MS4A1: variants seen among roughly 807,000 people sequenced by gnomAD.
The protein encoded by MS4A1 is membrane spanning 4-domains A1, also known as B-lymphocyte antigen CD20.
A neutral mutation model predicts 26.5 loss-of-function variants in MS4A1; 16 were observed. The observed-to-expected ratio is 0.60, with a 90% CI of 0.41 to 0.92. The LOEUF (loss-of-function observed/expected upper bound fraction) is 0.92, where lower values mean the gene tolerates loss of function less well. MS4A1 is among the 40% of genes least tolerant of loss of function. The pLI, the probability that MS4A1 is intolerant of heterozygous loss-of-function variation, is 0.00. For missense variants in MS4A1, 350 were observed against 353.0 expected (o/e 0.99, Z 0.07); for synonymous variants, 128 against 117.6 (o/e 1.09, Z -0.57).
chr11:60,466,245 AC>A, intron 6 of MS4A1, 88 bp downstream of exon 6: 1 of 1,076,084 alleles, frequency 9.3e-7, no homozygotes, highest in Non-Finnish European at 1.4e-6. Flanking sequence ...CTGGATCCAG[AC>A]CACCTGAGTT....
At chr11:60,459,881 C>T (rs1166656244) in intron 1 of MS4A1, among the ~76,000 whole-genome samples, 3 of 152,146 alleles carry the variant, frequency 2.0e-5, no homozygotes, top group Non-Finnish European at 4.4e-5. Flanking sequence ...AGGCTGAATT[C>T]CTATTTCTCA....
chr11:60,462,223 C>T lies in MS4A1; in HGVS notation c.-152C>T, dbSNP rs201743339. The T allele has an allele frequency of 3.9e-5, 32 of 830,090 alleles. No homozygotes were observed. Among genetic ancestry groups the T allele is most frequent in the Admixed American group, 6.0e-5 (3 of 50,132 alleles). 51.4% of individuals were successfully genotyped at this position (830,090 alleles called of 1,614,324 possible). A position where few individuals can be genotyped will look rare whatever the true frequency, so the allele number is the denominator to read the frequency against. On this transcript the variant is annotated 5_prime_UTR_variant, in exon 3 of 8. Transcript: ENST00000345732. ...GCCTTGCCTCAGATCCAAGGTCACT[C>T]GGAAGAGGCCATGTCTACCCTCAAT...
intron 1 of MS4A1, among the ~76,000 whole-genome samples, chr11:60,456,194 TG>T (rs11322618): frequency 0.011 from 1,671 of 152,248 alleles, 78 homozygotes; most frequent in Admixed American, 0.087. Flanking sequence ...AGTAGTAGAT[TG>T]CAGCATATAT....
At chr11:60,460,783 C>T (rs1000446602) in intron 1 of MS4A1, among the ~76,000 whole-genome samples, 4 of 149,208 alleles carry the variant, frequency 2.7e-5, no homozygotes, top group Non-Finnish European at 5.9e-5. Flanking sequence ...TATTAATTGC[C>T]TTCTCACTTC....
At chr11:60,459,697 A>G (rs1305712905) in intron 1 of MS4A1, among the ~76,000 whole-genome samples, 1 of 152,216 alleles carries the variant, frequency 6.6e-6, no homozygotes. Flanking sequence ...GCAGATCCCC[A>G]GGACCATGTG....
At chr11:60,458,883 G>A (rs2086225672) in intron 1 of MS4A1, among the ~76,000 whole-genome samples, 1 of 152,092 alleles carries the variant, frequency 6.6e-6, no homozygotes, top group Admixed American at 6.5e-5. Context: ...GCACTCATGT[G>A]TTTCTTTATA....
intron 1 of MS4A1, among the ~76,000 whole-genome samples, chr11:60,459,459 A>C (rs1473209874): frequency 1.3e-5 from 2 of 152,342 alleles, no homozygotes; most frequent in African/African-American, 4.8e-5. Context: ...AGCCATGGTG[A>C]GTGCCTTCTA....
chr11:60,464,797 C>T (rs543927450), intron 5 of MS4A1, among the ~76,000 whole-genome samples: 25 of 152,268 alleles, frequency 1.6e-4, no homozygotes, highest in Admixed American at 2.6e-4. Flanking sequence ...TACCATGTGA[C>T]GTCCAATGGA....
At chr11:60,467,277 C>CTTTT (rs201750543) in intron 7 of MS4A1, among the ~76,000 whole-genome samples, 21 of 134,542 alleles carry the variant, frequency 1.6e-4, no homozygotes, top group African/African-American at 5.0e-4. Flanking sequence ...TTCTGTGCGT[C>CTTTT]TTTTTTTTTT....
chr11:60,468,591 G>C lies in MS4A1; in HGVS notation c.*123G>C. 1 of 862,224 alleles carries C rather than the reference G, an allele frequency of 1.2e-6. No individual in the cohort carries two copies. Among genetic ancestry groups the C allele is most frequent in the East Asian group, 2.6e-5 (1 of 37,856 alleles). 53.4% of individuals were successfully genotyped at this position (862,224 alleles called of 1,614,324 possible). ...CGCACCACATCTCTATCTGGCCTTT[G>C]CATGGAGTGACCATAGCTCCTTCTC... is the stretch of plus-strand genomic sequence containing the variant. On this transcript the variant is annotated 3_prime_UTR_variant, in exon 8 of 8. Transcript: ENST00000345732.
chr11:60,461,721 C>T (rs2155713), intron 2 of MS4A1, among the ~76,000 whole-genome samples: 103,224 of 151,318 alleles, frequency 0.68, 36,119 homozygotes, highest in African/African-American at 0.83. Context: ...GGTTTTGCCA[C>T]GTTAGCCAGC....
chr11:60,465,661 G>T, intron 5 of MS4A1: 1 of 463,002 alleles, frequency 2.2e-6, no homozygotes, highest in Non-Finnish European at 3.9e-6. Flanking sequence ...ACAAGATATA[G>T]AATCAAGGGT....
Position 60,466,995 on chromosome 11 carries a change from C to A in MS4A1, c.610C>A (p.Gln204Lys). The A allele has an allele frequency of 6.2e-7, 1 of 1,613,996 alleles. No individual in the cohort carries two copies. Among genetic ancestry groups the A allele is most frequent in the Non-Finnish European group, 8.5e-7 (1 of 1,180,006 alleles). ...LSVMLIFAFFQELVIAGIVEN... is the reference protein window; with the variant it reads ...LSVMLIFAFFKELVIAGIVEN... ...AGTGATGCTGATCTTTGCCTTCTTCCAGGAACTTGTAATAGCTGGCATCGT... is the reference window on the plus strand; with the variant it reads ...AGTGATGCTGATCTTTGCCTTCTTCAAGGAACTTGTAATAGCTGGCATCGT... The change falls in exon 7 of 8, where the codon CAG becomes AAG. Residue 204 changes from glutamine (Q) to lysine (K), a missense_variant. By Grantham distance (53) the Gln-to-Lys change is moderately conservative (BLOSUM62 1). Coordinates refer to ENST00000345732, the MANE Select transcript of MS4A1 (RefSeq NM_152866.3).
At position 60,468,384 on chromosome 11, in the gene MS4A1, G is replaced by A; in HGVS notation, c.810G>A (p.Glu270=). The change falls in exon 8 of 8, where the codon GAG becomes GAA. Residue 270 remains glutamate, a synonymous_variant. Transcript: ENST00000345732. ...EDIEIIPIQE[E]EEEETETNFP... is the part of the protein sequence containing the mutation. ...TTGAAATTATTCCAATCCAAGAAGAGGAAGAAGAAGAAACAGAGACGAACT... is the reference window on the plus strand; with the variant it reads ...TTGAAATTATTCCAATCCAAGAAGAAGAAGAAGAAGAAACAGAGACGAACT... The A allele has an allele frequency of 6.2e-7, 1 of 1,614,102 alleles. No homozygotes were observed. Among genetic ancestry groups the A allele is most frequent in the Non-Finnish European group, 8.5e-7 (1 of 1,179,996 alleles).
Position 60,468,790 on chromosome 11 carries a change from T to C in MS4A1, c.*322T>C. On this transcript the variant is annotated 3_prime_UTR_variant, in exon 8 of 8. Coordinates refer to ENST00000345732, the MANE Select transcript of MS4A1 (RefSeq NM_152866.3). ...AGTATAGTATTTTTTTTTGTCATTT[T>C]CTCCATCAACAACCAGGGAGACTGC... The C allele has an allele frequency of 3.4e-6, 1 of 292,988 alleles. No individual in the cohort carries two copies. Among genetic ancestry groups the C allele is most frequent in the Non-Finnish European group, 6.4e-6 (1 of 156,802 alleles). The allele number at this position is 292,988 out of a possible 1,614,324, so 18.1% of individuals were successfully genotyped here. A position where few individuals can be genotyped will look rare whatever the true frequency, so the allele number is the denominator to read the frequency against.
intron 7 of MS4A1, among the ~76,000 whole-genome samples, chr11:60,467,294 T>C (rs2086300987): frequency 6.6e-6 from 1 of 151,688 alleles, no homozygotes; most frequent in South Asian, 2.1e-4. Flanking sequence ...TTTTTTTTTT[T>C]TGAGACAGAG....
At chr11:60,460,223 G>A (rs2086237206) in intron 1 of MS4A1, among the ~76,000 whole-genome samples, 1 of 152,102 alleles carries the variant, frequency 6.6e-6, no homozygotes, top group African/African-American at 2.4e-5. Context: ...TGCAGCCTGG[G>A]CGACAGAGCG....
chr11:60,466,162 G>T lies in MS4A1; in HGVS notation c.573+5G>T. ...AGCATACAATCTCTGTTCTTGGTAA[G>T]TGTTCTTGGTAAGTGTGAGATTGGA... On this transcript the variant is annotated splice_donor_5th_base_variant and intron_variant, in intron 6 of 7. Coordinates refer to ENST00000345732, the MANE Select transcript of MS4A1 (RefSeq NM_152866.3). The T allele has an allele frequency of 6.3e-7, 1 of 1,593,742 alleles. No individual in the cohort carries two copies. The highest frequency in any genetic ancestry group is 2.2e-5 in the East Asian group (1 of 44,790).
In MS4A1 at chr11:60,461,410, T is replaced by TTAAAGAACTTG. The variant is rs559395579; in HGVS notation, c.-191+251_-191+261dup. ...CAGTTGAACCTGAGGCCCAGAGAAT[T>TTAAAGAACTTG]TAAAGAACTTGCCCAACATCTCAGA... On this transcript the variant is annotated intron_variant, in intron 2 of 7. Transcript: ENST00000345732. Among the ~76,000 whole-genome samples, 848 of 151,626 alleles carry TTAAAGAACTTG rather than the reference T, an allele frequency of 5.6e-3. 9 individuals are homozygous for TTAAAGAACTTG. The highest frequency in any genetic ancestry group is 0.02 in the African/African-American group (815 of 41,486).
Sources: gnomAD v4.1 joint callset for allele counts (sites outside exome capture counted in the v4.1 genomes callset) on GRCh38, gnomAD v4.1.1 for gene constraint, MANE v1.5 for transcripts, NCBI Gene and HGNC (gene_info 2026-07-23, HGNC 2026-07-21) for gene names.